Variants in COL4A2 observed in about 807,000 individuals in gnomAD.
COL4A2 encodes collagen type IV alpha 2 chain, also known as collagen alpha-2(IV) chain.
A neutral mutation model predicts 200.2 loss-of-function variants in COL4A2; 99 were observed. That is an observed-to-expected ratio of 0.49 (90% CI 0.42 to 0.58). The LOEUF is 0.58. COL4A2 is among the 20% of genes least tolerant of loss of function. The probability of loss-of-function intolerance (pLI) is 0.00; values close to 1 mark genes in which losing one functional copy is unlikely to be tolerated. For missense variants in COL4A2, 1,950 were observed against 2,314.1 expected (o/e 0.84, Z 3.23); for synonymous variants, 897 against 900.6 (o/e 1.00, Z 0.07).
At position 110,462,543 on chromosome 13, in the gene COL4A2, C is replaced by G. The variant is rs1176092816; in HGVS notation, c.1776+159C>G. 7 of 647,876 alleles carry G rather than the reference C, an allele frequency of 1.1e-5. No individual in the cohort carries two copies. The East Asian group carries it at 2.0e-4, about 18-fold the overall frequency. The allele number at this position is 647,876 out of a possible 1,614,324, so 40.1% of individuals were successfully genotyped here. A position where few individuals can be genotyped will look rare whatever the true frequency, so the allele number is the denominator to read the frequency against. ...CATTCTATTTCTAATGAGCAGAAATCAGACTTTTTAGGAAACGGTGAATTA... is the reference window on the plus strand; with the variant it reads ...CATTCTATTTCTAATGAGCAGAAATGAGACTTTTTAGGAAACGGTGAATTA... On this transcript the variant is annotated intron_variant, in intron 24 of 47. Transcript: ENST00000360467.
At position 110,313,268 on chromosome 13, in the gene COL4A2, G is replaced by A. The variant is rs555044201; in HGVS notation, c.99+5145G>A. On this transcript the variant is annotated intron_variant, in intron 3 of 47. Coordinates refer to ENST00000360467, the MANE Select transcript of COL4A2 (RefSeq NM_001846.4). ...ATGAGACCCTGTCAGGACAGGTGAC[G>A]GCCTAAGTGACTCACTGCTCTTGAT... Among the ~76,000 whole-genome samples the A allele has an allele frequency of 3.9e-5, 6 of 152,254 alleles. No individual in the cohort carries two copies. In the East Asian group the frequency reaches 7.7e-4, roughly 20 times the overall value.
chr13:110,437,605 A>G (rs1030679254), intron 13 of COL4A2, among the ~76,000 whole-genome samples: 15 of 152,200 alleles, frequency 9.9e-5, no homozygotes, highest in Non-Finnish European at 2.1e-4. Flanking sequence ...TTCCATGTGT[A>G]TCTTTTTCTC....
intron 23 of COL4A2, 41 bp downstream of exon 23, chr13:110,462,227 C>T: frequency 2.5e-6 from 4 of 1,614,264 alleles, no homozygotes; most frequent in Non-Finnish European, 3.4e-6. Context: ...GGGCACTGAG[C>T]CTTCCTGTGG....
intron 20 of COL4A2, among the ~76,000 whole-genome samples, chr13:110,454,174 C>T (rs1009359877): frequency 6.6e-6 from 1 of 152,142 alleles, no homozygotes; most frequent in Non-Finnish European, 1.5e-5. Flanking sequence ...TCAAAATAGG[C>T]CTGGCTTGTT....
rs374303195 is a variant in COL4A2 at position 110,342,691 on chromosome 13, C to T, written c.100-14781C>T. Among the ~76,000 whole-genome samples, 8 of 152,224 alleles carry T rather than the reference C, an allele frequency of 5.3e-5. No homozygotes were observed. In the South Asian group the frequency reaches 1.7e-3, roughly 32 times the overall value. On this transcript the variant is annotated intron_variant, in intron 3 of 47. Transcript: ENST00000360467. Reference sequence around the variant, plus strand: ...GTGGGATGAGCATTCCTCACAAGACCGCCCCCACGAAACATGGCCTGGAGC... The same window carrying T: ...GTGGGATGAGCATTCCTCACAAGACTGCCCCCACGAAACATGGCCTGGAGC...
In COL4A2 at chr13:110,503,976, G is replaced by C. The variant is rs759437629; in HGVS notation, c.4268G>C (p.Gly1423Ala). The C allele has an allele frequency of 1.5e-5, 24 of 1,559,996 alleles. No homozygotes were observed. Among genetic ancestry groups the C allele is most frequent in the Admixed American group, 2.1e-5 (1 of 48,272 alleles). ...PGAPGEMGPQ[G>A]PPGEPGFRGA... is the part of the protein sequence containing the mutation. Reference sequence around the variant, plus strand: ...GCACCGGGGGAGATGGGGCCCCAGGGCCCCCCCGGAGAACCAGGTAGAGTG... The same window carrying C: ...GCACCGGGGGAGATGGGGCCCCAGGCCCCCCCCGGAGAACCAGGTAGAGTG... The change falls in exon 44 of 48, where the codon GGC becomes GCC. Residue 1423 changes from glycine (G) to alanine (A), a missense_variant. Physicochemically the swap from Gly to Ala is moderately conservative, Grantham distance 60. Coordinates refer to ENST00000360467, the MANE Select transcript of COL4A2 (RefSeq NM_001846.4).
chr13:110,336,316 G>A (rs1291883603), intron 3 of COL4A2, among the ~76,000 whole-genome samples: 1 of 152,206 alleles, frequency 6.6e-6, no homozygotes, highest in Non-Finnish European at 1.5e-5. Context: ...GGAAAGTTGA[G>A]TATAATGGTG....
At position 110,357,476 on chromosome 13, in the gene COL4A2, T is replaced by G; in HGVS notation, c.104T>G (p.Val35Gly). Residue 35 changes from valine to glycine, a missense_variant, in exon 4 of 48, where the codon GTG becomes GGG. Val to Gly is a moderately radical substitution (Grantham distance 109). Transcript: ENST00000360467. ...GFLAQSVLAG[V>G]KKFDVPCGGR... ...CCTTGTGTTTTATTGTTGCAGGGTGTGAAGAAGTTTGATGTGCCGTGTGGA... is the reference window on the plus strand; with the variant it reads ...CCTTGTGTTTTATTGTTGCAGGGTGGGAAGAAGTTTGATGTGCCGTGTGGA... The G allele has an allele frequency of 6.3e-7, 1 of 1,588,706 alleles. No homozygotes were observed. The highest frequency in any genetic ancestry group is 1.7e-5 in the Admixed American group (1 of 57,996).
intron 12 of COL4A2, 65 bp from the exon 13 acceptor site, chr13:110,436,204 T>C (rs1269089298): frequency 1.2e-6 from 2 of 1,609,948 alleles, no homozygotes; most frequent in African/African-American, 2.7e-5. Flanking sequence ...CAGGTTGTAT[T>C]TGTATTCGAG....
At chr13:110,489,917 C>T in intron 36 of COL4A2, 132 bp downstream of exon 36, 1 of 892,438 alleles carries the variant, frequency 1.1e-6, no homozygotes, top group Non-Finnish European at 1.7e-6. Context: ...GTCTTCAAGT[C>T]CAATGTGCAA....
In COL4A2 at chr13:110,497,928, G is replaced by A. The variant is rs1390818342; in HGVS notation, c.3760+2461G>A. 7.0e-4 allele frequency among the ~76,000 whole-genome samples: 46 copies of A among 66,174 alleles called. 1 individual carries two copies. Among genetic ancestry groups the A allele is most frequent in the African/African-American group, 2.8e-3 (42 of 15,204 alleles). The allele number at this position is 66,174 out of a possible 152,430, so 43.4% of individuals were successfully genotyped here. On this transcript the variant is annotated intron_variant, in intron 40 of 47. Transcript: ENST00000360467. ...CAGCCTCAGTCAGGGGTGAGGATCT[G>A]GGGTCAGTCCACCAGCACAGCCTCA...
intron 16 of COL4A2, among the ~76,000 whole-genome samples, chr13:110,444,539 C>T (rs1881252798): frequency 6.6e-6 from 1 of 152,236 alleles, no homozygotes; most frequent in African/African-American, 2.4e-5. Context: ...GTCCAAACCA[C>T]AGGACCACAA....
At chr13:110,485,605 G>A (rs1240147165) in intron 33 of COL4A2, 50 bp from the exon 34 acceptor site, 1 of 1,452,916 alleles carries the variant, frequency 6.9e-7, no homozygotes, top group Admixed American at 2.2e-5. Context: ...AAACTGGAGG[G>A]CGGGTGCTGC....
Position 110,430,604 on chromosome 13 carries a change from A to G in COL4A2, c.645A>G (p.Arg215=), listed in dbSNP as rs1224606577. ...TGGGTCCAGTTGGAGCTCCAGGGAG[A>G]CCAGTAAGTACCTGGACACAGGTGC... is the stretch of plus-strand genomic sequence containing the variant. ...GQMGPVGAPG[R]PGPPGPPGPK... The change falls in exon 10 of 48, where the codon AGA becomes AGG. Residue 215 remains arginine, a synonymous_variant. Transcript: ENST00000360467. The G allele has an allele frequency of 1.9e-6, 3 of 1,614,126 alleles. No individual in the cohort carries two copies. In the South Asian group the frequency reaches 3.3e-5, roughly 18 times the overall value.
At chr13:110,381,357 C>T (rs9515199) in intron 4 of COL4A2, among the ~76,000 whole-genome samples, 85,387 of 152,142 alleles carry the variant, frequency 0.56, 24,340 homozygotes, top group Admixed American at 0.63. Flanking sequence ...TCTGGCGTCC[C>T]CTTTCCTTGA....
intron 12 of COL4A2, among the ~76,000 whole-genome samples, chr13:110,435,738 C>G (rs1284930755): frequency 3.3e-5 from 5 of 152,222 alleles, no homozygotes; most frequent in Non-Finnish European, 5.9e-5. Context: ...GTTTCACCAT[C>G]TGTGCACCAC....
intron 10 of COL4A2, among the ~76,000 whole-genome samples, chr13:110,431,417 T>C (rs4592522): frequency 0.71 from 108,396 of 151,988 alleles, 38,767 homozygotes; most frequent in Middle Eastern, 0.79. Context: ...CTCATAATTC[T>C]CTTCAGATTA....
chr13:110,330,431 G>A (rs1037315194), intron 3 of COL4A2, among the ~76,000 whole-genome samples: 2 of 152,186 alleles, frequency 1.3e-5, no homozygotes, highest in Non-Finnish European at 2.9e-5. Context: ...CAACTCCAGA[G>A]CTCTTCCCAG....
intron 26 of COL4A2, among the ~76,000 whole-genome samples, chr13:110,466,661 T>A (rs985855436): frequency 3.9e-5 from 6 of 152,222 alleles, no homozygotes; most frequent in South Asian, 2.1e-4. Context: ...AATCGCAGGC[T>A]ATCTCCATTG....
Sources: allele counts gnomAD v4.1 joint callset (sites outside exome capture counted in the v4.1 genomes callset), GRCh38; gene constraint gnomAD v4.1.1; transcripts MANE v1.5; gene names NCBI Gene and HGNC (gene_info 2026-07-23, HGNC 2026-07-21).